NALCN: variants seen among roughly 807,000 people sequenced by gnomAD.
The protein encoded by NALCN is sodium leak channel, non-selective, also known as sodium leak channel NALCN.
NALCN carries 111 observed loss-of-function variants against 225.3 expected under a neutral mutation model. The observed-to-expected ratio is 0.49, with a 90% CI of 0.42 to 0.58. NALCN has a LOEUF of 0.58. Among genes scored for constraint, NALCN ranks in the 20% least tolerant of loss-of-function variants. The pLI is 0.00. For missense variants in NALCN, 1,378 were observed against 2,202.4 expected (o/e 0.63, Z 7.49); for synonymous variants, 764 against 769.0 (o/e 0.99, Z 0.11).
At chr13:101,322,818 T>G (rs910416901) in intron 7 of NALCN, among the ~76,000 whole-genome samples, 1 of 152,068 alleles carries the variant, frequency 6.6e-6, no homozygotes, top group African/African-American at 2.4e-5. Context: ...GTTCAAACAA[T>G]TCTCCTACCT....
rs2034936349 is a variant in NALCN at position 101,103,475 on chromosome 13, T to G, written c.2890-136A>C. The stretch of plus-strand genomic sequence containing the variant: ...GGTTGTACGTGCCATCTGTTAACTT[T>G]AAACAACAAACCTCATCTAGACTTG... On this transcript the variant is annotated intron_variant, in intron 25 of 43. Coordinates refer to ENST00000251127, the MANE Select transcript of NALCN (RefSeq NM_052867.4). 4 of 1,053,170 alleles carry G rather than the reference T, an allele frequency of 3.8e-6. No homozygotes were observed. The South Asian group carries it at 6.6e-5, about 17-fold the overall frequency. 65.2% of individuals were successfully genotyped at this position (1,053,170 alleles called of 1,614,324 possible).
chr13:101,158,287 T>C (rs13378735), intron 15 of NALCN, among the ~76,000 whole-genome samples: 16,045 of 152,286 alleles, frequency 0.11, 909 homozygotes, highest in African/African-American at 0.12. Context: ...GCCAAAGACG[T>C]CCTAAGAGAA....
chr13:101,151,160 C>A (rs1377990508), intron 15 of NALCN, among the ~76,000 whole-genome samples: 1 of 152,238 alleles, frequency 6.6e-6, no homozygotes, highest in African/African-American at 2.4e-5. Flanking sequence ...GCTGAGATAT[C>A]ATTACACATC....
chr13:101,325,845 T>G (rs1206376393), intron 7 of NALCN, among the ~76,000 whole-genome samples: 2 of 152,208 alleles, frequency 1.3e-5, no homozygotes, highest in Non-Finnish European at 2.9e-5. Flanking sequence ...TCACAGAGCT[T>G]TATTAATGTT....
At chr13:101,317,053 T>C (rs2044578705) in intron 7 of NALCN, among the ~76,000 whole-genome samples, 1 of 152,180 alleles carries the variant, frequency 6.6e-6, no homozygotes, top group Non-Finnish European at 1.5e-5. Context: ...ATATATTTTT[T>C]TTAGCTTCAT....
intron 3 of NALCN, among the ~76,000 whole-genome samples, chr13:101,389,541 A>G (rs897599861): frequency 6.6e-6 from 1 of 152,172 alleles, no homozygotes; most frequent in African/African-American, 2.4e-5. Context: ...GGTAAGAAAT[A>G]TTCGATAATT....
In NALCN at chr13:101,162,167, C is replaced by T. The variant is rs190174461; in HGVS notation, c.1839+14133G>A. Among the ~76,000 whole-genome samples the T allele has an allele frequency of 1.2e-3, 183 of 152,322 alleles. 1 individual carries two copies. The highest frequency in any genetic ancestry group is 4.3e-3 in the African/African-American group (179 of 41,560). The stretch of plus-strand genomic sequence containing the variant: ...GTGTCGGGGTCTTCTACGAGTGTCT[C>T]TCCTTAAATGATGTTATTTTCTGAA... On this transcript the variant is annotated intron_variant, in intron 15 of 43. Coordinates refer to ENST00000251127, the MANE Select transcript of NALCN (RefSeq NM_052867.4).
In NALCN at chr13:101,395,302, G is replaced by C. The variant is rs1461204636; in HGVS notation, c.172C>G (p.Pro58Ala). ...ISVISVCMNTPMTFEHYPPLQ... is the reference protein window; with the variant it reads ...ISVISVCMNTAMTFEHYPPLQ... ...GGAGGATAGTGCTCGAAGGTCATTGGCGTATTCATACAAACAGAAATGACG... is the reference window on the plus strand; with the variant it reads ...GGAGGATAGTGCTCGAAGGTCATTGCCGTATTCATACAAACAGAAATGACG... Residue 58 changes from proline (P) to alanine (A), a missense_variant, in exon 3 of 44, where the codon CCA becomes GCA. This residue lies in a region of NALCN where 146 missense variants were observed against 205.9 expected (regional missense o/e 0.71). Coordinates refer to ENST00000251127, the MANE Select transcript of NALCN (RefSeq NM_052867.4). 1 of 1,613,950 alleles carries C rather than the reference G, an allele frequency of 6.2e-7. No homozygotes were observed. The highest frequency in any genetic ancestry group is 1.3e-5 in the African/African-American group (1 of 74,914).
In NALCN at chr13:101,106,157, C is replaced by T. The variant is rs149927911; in HGVS notation, c.2580-1207G>A. Among the ~76,000 whole-genome samples the T allele has an allele frequency of 7.3e-3, 1,111 of 152,220 alleles. 4 individuals carry two copies. Among genetic ancestry groups the T allele is most frequent in the Non-Finnish European group, 0.012 (810 of 68,008 alleles). ...GAGCCGTCTTCTCCCTACGTGTCTTCGCAAGGTCTTCTCTCTGTATATGTC... is the reference window on the plus strand; with the variant it reads ...GAGCCGTCTTCTCCCTACGTGTCTTTGCAAGGTCTTCTCTCTGTATATGTC... On this transcript the variant is annotated intron_variant, in intron 22 of 43. Transcript: ENST00000251127.
intron 17 of NALCN, among the ~76,000 whole-genome samples, chr13:101,139,794 G>C (rs570866459): frequency 6.6e-6 from 1 of 152,224 alleles, no homozygotes; most frequent in East Asian, 1.9e-4. Context: ...GTTTTTAAGT[G>C]GCTTTCGGGT....
intron 7 of NALCN, among the ~76,000 whole-genome samples, chr13:101,330,036 C>CA (rs1334502373): frequency 4.7e-5 from 7 of 148,694 alleles, no homozygotes; most frequent in East Asian, 2.0e-4. Flanking sequence ...GAGACTGTTT[C>CA]AAAAAAAATT....
intron 1 of NALCN, among the ~76,000 whole-genome samples, chr13:101,411,897 G>A (rs188670084): frequency 7.2e-5 from 11 of 151,736 alleles, no homozygotes; most frequent in South Asian, 2.1e-4. Flanking sequence ...CATTTACAAC[G>A]TAAGAGAATT....
Position 101,107,497 on chromosome 13 carries a change from G to A in NALCN, c.2569C>T (p.Arg857Cys), listed in dbSNP as rs202228674. ...RNFCRVVVRA[R>C]FNASKTDPVT... ...ATGAAGTGTACTTACGCGTTGAAGCGTGCTCGGACCACCACCCGGCAAAAG... is the reference window on the plus strand; with the variant it reads ...ATGAAGTGTACTTACGCGTTGAAGCATGCTCGGACCACCACCCGGCAAAAG... The change falls in exon 22 of 44, where the codon CGC becomes TGC. Residue 857 changes from arginine (R) to cysteine (C), a missense_variant. Physicochemically the swap from Arg to Cys is radical, Grantham distance 180. Coordinates refer to ENST00000251127, the MANE Select transcript of NALCN (RefSeq NM_052867.4). 3.9e-5 allele frequency: 63 copies of A among 1,614,094 alleles called. No homozygotes were observed. The highest frequency in any genetic ancestry group is 1.1e-4 in the East Asian group (5 of 44,880).
chr13:101,204,073 G>T (rs2040227094), intron 13 of NALCN, among the ~76,000 whole-genome samples: 2 of 152,076 alleles, frequency 1.3e-5, no homozygotes, highest in Non-Finnish European at 2.9e-5. Flanking sequence ...CCTAGTCTGG[G>T]GAGTTTAATT....
chr13:101,316,310 T>A (rs930019607), intron 7 of NALCN, among the ~76,000 whole-genome samples: 6 of 152,162 alleles, frequency 3.9e-5, no homozygotes, highest in Admixed American at 3.9e-4. Flanking sequence ...CAGCCCTCAA[T>A]CTAACTGAAG....
At chr13:101,315,548 A>G (rs2044523934) in intron 7 of NALCN, among the ~76,000 whole-genome samples, 1 of 152,220 alleles carries the variant, frequency 6.6e-6, no homozygotes, top group Non-Finnish European at 1.5e-5. Context: ...GTAGAAATTA[A>G]GGGAGAAATT....
chr13:101,356,321 AAG>A (rs1166762055), intron 6 of NALCN, among the ~76,000 whole-genome samples: 2 of 152,180 alleles, frequency 1.3e-5, no homozygotes, highest in Non-Finnish European at 2.9e-5. Flanking sequence ...TAAAGAAGAA[AAG>A]AGAGAAGAAT....
intron 7 of NALCN, among the ~76,000 whole-genome samples, chr13:101,317,647 C>T (rs1449457945): frequency 6.6e-6 from 1 of 152,152 alleles, no homozygotes; most frequent in Non-Finnish European, 1.5e-5. Context: ...TTAGCGACTC[C>T]TGTGATTTTG....
At chr13:101,074,714 CAGAGACAGAGAGAGAGAGAGAGAG>C in intron 35 of NALCN, 52 bp from the exon 36 acceptor site, 1 of 1,223,998 alleles carries the variant, frequency 8.2e-7, no homozygotes, top group South Asian at 1.6e-5. Flanking sequence ...GAGAGAGAGA[CAGAGACAGAGAGAGAGAGAGAGAG>C]AGAGAATATT....
Sources: allele counts gnomAD v4.1 joint callset (sites outside exome capture counted in the v4.1 genomes callset), GRCh38; gene constraint gnomAD v4.1.1; regional missense constraint gnomAD v4.1.1; transcripts MANE v1.5; gene names NCBI Gene and HGNC (gene_info 2026-07-23, HGNC 2026-07-21).